The following PLA2G4C variants were observed in gnomAD, a reference collection of about 807,000 sequenced individuals.
The protein encoded by PLA2G4C is cytosolic phospholipase A2 gamma.
A neutral mutation model predicts 73.8 loss-of-function variants in PLA2G4C; 64 were observed. The ratio of observed to expected loss-of-function variants is 0.87; its 90% CI spans 0.71 to 1.07. PLA2G4C has a LOEUF of 1.07. Among genes scored for constraint, PLA2G4C ranks in the 50% least tolerant of loss-of-function variants. PLA2G4C has a pLI of 0.00. For synonymous variants in PLA2G4C, 254 were observed against 252.1 expected (o/e 1.01, Z -0.07); for missense variants, 622 against 665.4 (o/e 0.93, Z 0.72).
intron 12 of PLA2G4C, among the ~76,000 whole-genome samples, chr19:48,071,392 G>C (rs1968652319): frequency 6.6e-6 from 1 of 152,124 alleles, no homozygotes; most frequent in South Asian, 2.1e-4. Flanking sequence ...CCGGGTTCAA[G>C]CGATTCTCCT....
At chr19:48,088,370 A>G (rs1341874731) in intron 9 of PLA2G4C, among the ~76,000 whole-genome samples, 1 of 122,338 alleles carries the variant, frequency 8.2e-6, no homozygotes, top group African/African-American at 2.8e-5. Context: ...TTAAGCGGAA[A>G]AAAGAAAAAA....
At position 48,110,533 on chromosome 19, in the gene PLA2G4C, C is replaced by CTCCGGAATCCGGTGCGGAGGCTTGGGT. The variant is rs1568461586; in HGVS notation, c.-80_-79insACCCAAGCCTCCGCACCGGATTCCGGA. 3 of 1,533,422 alleles carry CTCCGGAATCCGGTGCGGAGGCTTGGGT rather than the reference C, an allele frequency of 2.0e-6. No individual in the cohort carries two copies. Among genetic ancestry groups the CTCCGGAATCCGGTGCGGAGGCTTGGGT allele is most frequent in the African/African-American group, 1.4e-5 (1 of 72,800 alleles). 95.0% of individuals were successfully genotyped at this position (1,533,422 alleles called of 1,614,324 possible). A position where few individuals can be genotyped will look rare whatever the true frequency, so the allele number is the denominator to read the frequency against. On this transcript the variant is annotated 5_prime_UTR_variant, in exon 1 of 17. Coordinates refer to ENST00000599921, the MANE Select transcript of PLA2G4C (RefSeq NM_003706.3). Reference sequence around the variant, plus strand: ...GTGCGCATGCGCGGTGGAGCTTGTGCTCCGGAATCCGGTGCGGAGGCTTGG... The same window carrying CTCCGGAATCCGGTGCGGAGGCTTGGGT: ...GTGCGCATGCGCGGTGGAGCTTGTGCTCCGGAATCCGGTGCGGAGGCTTGGGTTCCGGAATCCGGTGCGGAGGCTTGG...
At chr19:48,062,329 G>A (rs1022129154) in intron 13 of PLA2G4C, 177 bp from the exon 14 acceptor site, 21 of 548,862 alleles carry the variant, frequency 3.8e-5, no homozygotes, top group Non-Finnish European at 6.2e-5. Flanking sequence ...TTGAAGCCCT[G>A]GCTGGGTGCG....
At chr19:48,061,949 C>T (rs374346438) in intron 14 of PLA2G4C, 49 bp downstream of exon 14, 33 of 1,593,442 alleles carry the variant, frequency 2.1e-5, no homozygotes, top group African/African-American at 9.4e-5. Flanking sequence ...TCAGCTTCGC[C>T]GCAGCCCACC....
intron 4 of PLA2G4C, among the ~76,000 whole-genome samples, chr19:48,102,092 T>C (rs895989809): frequency 3.3e-5 from 5 of 152,200 alleles, no homozygotes; most frequent in Non-Finnish European, 7.4e-5. Flanking sequence ...CATTAACAAT[T>C]TTTTTCTTAA....
chr19:48,053,569 A>G (rs1967813220), intron 15 of PLA2G4C, among the ~76,000 whole-genome samples: 1 of 151,664 alleles, frequency 6.6e-6, no homozygotes, highest in Non-Finnish European at 1.5e-5. Flanking sequence ...ACGGGGTTTC[A>G]CCCTGTTGGC....
At chr19:48,052,432 T>TCC (rs2122420930) in intron 16 of PLA2G4C, among the ~76,000 whole-genome samples, 1 of 152,218 alleles carries the variant, frequency 6.6e-6, no homozygotes, top group South Asian at 2.1e-4. Flanking sequence ...CGCTTTGCTC[T>TCC]CTCTCTCTCC....
rs185530990 is a variant in PLA2G4C at position 48,052,474 on chromosome 19, C to G, written c.1580+523G>C. ...GCCATGGTAAAGATGTGCTTGCTCCCCCTTCACCTTCCACCATGATTGTAA... is the reference window on the plus strand; with the variant it reads ...GCCATGGTAAAGATGTGCTTGCTCCGCCTTCACCTTCCACCATGATTGTAA... On this transcript the variant is annotated intron_variant, in intron 16 of 16. Coordinates refer to ENST00000599921, the MANE Select transcript of PLA2G4C (RefSeq NM_003706.3). Among the ~76,000 whole-genome samples, 33 of 152,132 alleles carry G rather than the reference C, an allele frequency of 2.2e-4. No homozygotes were observed. The East Asian group carries it at 6.4e-3, about 29-fold the overall frequency.
Position 48,055,054 on chromosome 19 carries a change from G to C in PLA2G4C, c.1258-5C>G. On this transcript the variant is annotated splice_region_variant and splice_polypyrimidine_tract_variant and intron_variant, in intron 14 of 16. Transcript: ENST00000599921. Reference sequence around the variant, plus strand: ...GTCAGTGGTAGCCCGGATGGTCTGAGAAGGAGGCAATAAGAAATGGTTGCA... The same window carrying C: ...GTCAGTGGTAGCCCGGATGGTCTGACAAGGAGGCAATAAGAAATGGTTGCA... 1 of 1,593,568 alleles carries C rather than the reference G, an allele frequency of 6.3e-7. No homozygotes were observed. Among genetic ancestry groups the C allele is most frequent in the Admixed American group, 1.7e-5 (1 of 57,560 alleles).
chr19:48,080,993 CAAAAAA>C (rs34388817), intron 10 of PLA2G4C, among the ~76,000 whole-genome samples: 86 of 102,882 alleles, frequency 8.4e-4, no homozygotes, highest in South Asian at 1.7e-3. Context: ...ACTAAAAATA[CAAAAAA>C]AAAAAAAAAA....
rs1436475537 is a variant in PLA2G4C, at chr19:48,074,819, G to T, written c.954C>A (p.Thr318=). 1 of 1,613,206 alleles carries T rather than the reference G, an allele frequency of 6.2e-7. No individual in the cohort carries two copies. Among genetic ancestry groups the T allele is most frequent in the Non-Finnish European group, 8.5e-7 (1 of 1,179,602 alleles). Residue 318 remains threonine, a synonymous_variant, in exon 12 of 17, where the codon ACC becomes ACA. Transcript: ENST00000599921. ...TWLTEMLENW[T]RTSLEKQEQP... ...GCTCCTGCTTTTCCAGGGAGGTCCT[G>T]GTCCAATTCTCGAGCATCTCAGTCA...
intron 4 of PLA2G4C, among the ~76,000 whole-genome samples, chr19:48,100,392 G>A (rs1185941691): frequency 4.6e-5 from 7 of 151,254 alleles, no homozygotes; most frequent in East Asian, 2.0e-4. Context: ...GGTGGCATGC[G>A]TGGTGGTGGG....
At chr19:48,076,579 C>G (rs2030171714) in intron 11 of PLA2G4C, among the ~76,000 whole-genome samples, 1 of 152,014 alleles carries the variant, frequency 6.6e-6, no homozygotes, top group South Asian at 2.1e-4. Context: ...CTCGTCTCTA[C>G]TAAAAATACA....
chr19:48,057,477 C>CTTTTTTTT (rs1265460823), intron 14 of PLA2G4C, among the ~76,000 whole-genome samples: 25 of 16,872 alleles, frequency 1.5e-3, no homozygotes, highest in South Asian at 4.0e-3. Context: ...TCTTCTTCTT[C>CTTTTTTTT]TTCTTCTTTT....
At chr19:48,058,751 A>G (rs2892191) in intron 14 of PLA2G4C, among the ~76,000 whole-genome samples, 128,952 of 151,142 alleles carry the variant, frequency 0.85, 55,204 homozygotes, top group African/African-American at 0.93. Flanking sequence ...CCGGGAGGCG[A>G]AGGTTGCAGT....
chr19:48,054,364 C>T (rs183582315), intron 15 of PLA2G4C, among the ~76,000 whole-genome samples: 17 of 152,190 alleles, frequency 1.1e-4, no homozygotes, highest in Non-Finnish European at 1.5e-4. Flanking sequence ...AGTGCAGGAG[C>T]GCGATCTCAG....
At chr19:48,053,676 T>G (rs11564651) in intron 15 of PLA2G4C, among the ~76,000 whole-genome samples, 46 of 77,460 alleles carry the variant, frequency 5.9e-4, no homozygotes, top group African/African-American at 3.4e-3. Context: ...CCTGGCCCCC[T>G]GCTTCCTGTC....
At chr19:48,081,471 A>G (rs1169271116) in intron 10 of PLA2G4C, among the ~76,000 whole-genome samples, 2 of 151,756 alleles carry the variant, frequency 1.3e-5, no homozygotes, top group African/African-American at 4.8e-5. Context: ...AAAACTACAC[A>G]TTGGGGCCAG....
rs1349100281 is a variant in PLA2G4C, at chr19:48,110,579, T to C, written c.-125A>G. ...CTTGGGCTCCCTGCGCTTAGCGGTGTAGTCGCTGGACAGCTCCTTCAGCCG... is the reference window on the plus strand; with the variant it reads ...CTTGGGCTCCCTGCGCTTAGCGGTGCAGTCGCTGGACAGCTCCTTCAGCCG... On this transcript the variant is annotated 5_prime_UTR_variant, in exon 1 of 17. Coordinates refer to ENST00000599921, the MANE Select transcript of PLA2G4C (RefSeq NM_003706.3). 4 of 348,022 alleles carry C rather than the reference T, an allele frequency of 1.1e-5. No individual in the cohort carries two copies. The highest frequency in any genetic ancestry group is 2.9e-4 in the African/African-American group (1 of 3,494). 21.6% of individuals were successfully genotyped at this position (348,022 alleles called of 1,614,324 possible). A position where few individuals can be genotyped will look rare whatever the true frequency, so the allele number is the denominator to read the frequency against.
Sources: gnomAD v4.1 joint callset for allele counts (sites outside exome capture counted in the v4.1 genomes callset) on GRCh38, gnomAD v4.1.1 for gene constraint, MANE v1.5 for transcripts, NCBI Gene and HGNC (gene_info 2026-07-23, HGNC 2026-07-21) for gene names.